FAM86B1: variants seen among roughly 807,000 people sequenced by gnomAD.
FAM86B1 encodes the protein family with sequence similarity 86 member B1 (gene/pseudogene).
For synonymous variants in FAM86B1, 4 were observed against 137.6 expected (o/e 0.03, Z 6.79); for missense variants, 13 against 328.1 (o/e 0.04, Z 7.42).
Position 12,183,146 on chromosome 8 carries a change from TGTG to T in FAM86B1, c.*457_*459del, listed in dbSNP as rs2150680305. 2 of 110,912 alleles carry T rather than the reference TGTG, an allele frequency of 1.8e-5. No homozygotes were observed. The highest frequency in any genetic ancestry group is 3.9e-5 in the Non-Finnish European group (2 of 51,648). The allele number at this position is 110,912 out of a possible 1,614,324, so 6.9% of individuals were successfully genotyped here. On this transcript the variant is annotated 3_prime_UTR_variant, in exon 7 of 7. Coordinates refer to ENST00000448228, the MANE Select transcript of FAM86B1 (RefSeq NM_001083537.4). ...GTGAGGAACCGAGTGTGTCCAGGGA[TGTG>T]GCAGCTGCAGCGGGCTTGGCTTTGT...
In FAM86B1 at chr8:12,182,420, T is replaced by A; in HGVS notation, c.*1186A>T. On this transcript the variant is annotated 3_prime_UTR_variant, in exon 7 of 7. Transcript: ENST00000448228. ...TGGAGCGCTGCTGGGTTGTGAAGGG[T>A]CTCAAGTCCAAGTGAGGGGGGTTGT... 2 of 974,462 alleles carry A rather than the reference T, an allele frequency of 2.1e-6. No homozygotes were observed. Among genetic ancestry groups the A allele is most frequent in the East Asian group, 5.4e-5 (2 of 36,948 alleles). The allele number at this position is 974,462 out of a possible 1,614,324, so 60.4% of individuals were successfully genotyped here. A position where few individuals can be genotyped will look rare whatever the true frequency, so the allele number is the denominator to read the frequency against.
chr8:12,189,300 A>G (rs933953919), intron 3 of FAM86B1, among the ~76,000 whole-genome samples: 3 of 67,670 alleles, frequency 4.4e-5, no homozygotes, highest in African/African-American at 1.5e-4. Context: ...ATAAATAAAT[A>G]AGTAAAAAAT....
At chr8:12,192,743 G>A (rs1454119121) in intron 1 of FAM86B1, among the ~76,000 whole-genome samples, 1 of 145,244 alleles carries the variant, frequency 6.9e-6, no homozygotes, top group Non-Finnish European at 1.5e-5. Flanking sequence ...CCGATCCATG[G>A]TGCCTGGCTC....
intron 3 of FAM86B1, among the ~76,000 whole-genome samples, chr8:12,189,375 A>G (rs1806431174): frequency 8.4e-6 from 1 of 118,750 alleles, no homozygotes; most frequent in African/African-American, 4.1e-5. Flanking sequence ...AGAATTCACC[A>G]GAGGAACTAG....
intron 3 of FAM86B1, among the ~76,000 whole-genome samples, chr8:12,189,251 AAAATATATAAATAAATAAAT>A (rs1806382812): frequency 7.7e-6 from 1 of 129,306 alleles, no homozygotes; most frequent in African/African-American, 3.2e-5. Context: ...TGTCTCAAAA[AAAATATATAAATAAATAAAT>A]AAATAAATAA....
chr8:12,191,141 A>G (rs1220160764), intron 2 of FAM86B1, among the ~76,000 whole-genome samples: 1 of 115,002 alleles, frequency 8.7e-6, no homozygotes, highest in Non-Finnish European at 1.7e-5. Context: ...GTGGGCGTGG[A>G]GGATGTCTGC....
chr8:12,190,959 A>C (rs1357307147), intron 2 of FAM86B1, among the ~76,000 whole-genome samples: 1 of 136,954 alleles, frequency 7.3e-6, no homozygotes, highest in Non-Finnish European at 1.5e-5. Context: ...CTCAGGGTGA[A>C]ACTCAGAGCA....
Sources: allele counts gnomAD v4.1 joint callset (sites outside exome capture counted in the v4.1 genomes callset), GRCh38; gene constraint gnomAD v4.1.1; transcripts MANE v1.5; gene names NCBI Gene and HGNC (gene_info 2026-07-23, HGNC 2026-07-21).